The following FRY variants were observed in gnomAD, a reference collection of about 807,000 sequenced individuals.
The protein encoded by FRY is protein furry homolog.
Under a neutral mutation model 348.4 loss-of-function variants are expected in FRY, and 128 were observed. The ratio of observed to expected loss-of-function variants is 0.37; its 90% CI spans 0.32 to 0.43. FRY has a LOEUF of 0.43. Among genes scored for constraint, FRY ranks in the 20% least tolerant of loss-of-function variants. The pLI is 1.00. For missense variants in FRY, 2,736 were observed against 3,695.2 expected (o/e 0.74, Z 6.73); for synonymous variants, 1,370 against 1,374.7 (o/e 1.00, Z 0.08).
chr13:32,169,308 T>G (rs1881925108), intron 17 of FRY, among the ~76,000 whole-genome samples: 1 of 152,326 alleles, frequency 6.6e-6, no homozygotes, highest in Non-Finnish European at 1.5e-5. Context: ...CTAATCATGT[T>G]TCTTTCCCTA....
chr13:32,194,842 A>G, intron 29 of FRY, among the ~76,000 whole-genome samples: 1 of 152,246 alleles, frequency 6.6e-6, no homozygotes, highest in Non-Finnish European at 1.5e-5. Context: ...ATGTGCTGAA[A>G]TAAGTTCATA....
At chr13:32,140,608 G>T (rs1286893352) in intron 11 of FRY, among the ~76,000 whole-genome samples, 2 of 151,984 alleles carry the variant, frequency 1.3e-5, no homozygotes, top group African/African-American at 4.8e-5. Flanking sequence ...AAAAAAAACA[G>T]ATAATGATAA....
At chr13:32,171,731 A>G (rs139962914) in intron 18 of FRY, among the ~76,000 whole-genome samples, 2 of 152,360 alleles carry the variant, frequency 1.3e-5, no homozygotes, top group African/African-American at 4.8e-5. Flanking sequence ...TTCCACTGGC[A>G]TAAATTGTGA....
chr13:32,225,871 CA>C lies in FRY; in HGVS notation c.5105del (p.Asn1702IlefsTer21). 2 of 1,614,042 alleles carry C rather than the reference CA, an allele frequency of 1.2e-6. No homozygotes were observed. Among genetic ancestry groups the C allele is most frequent in the African/African-American group, 1.3e-5 (1 of 75,040 alleles). ...HLLIALSCNS[N>X]FHSIASVLLQ... is the part of the protein sequence containing the mutation. ...TCTTGATTGCCCTCTCTTGCAACAG[CA>C]ATTTCCATTCCATTGCTTCCGTGCT... On this transcript the variant is annotated frameshift_variant, in exon 39 of 61. Transcript: ENST00000542859. LOFTEE classifies it high-confidence loss of function.
rs117499343 is a variant in FRY, at chr13:32,262,287, G to A, written c.7618-27G>A. 781 of 1,593,192 alleles carry A rather than the reference G, an allele frequency of 4.9e-4. 5 individuals carry two copies. In the East Asian group the frequency reaches 0.013, roughly 26 times the overall value. On this transcript the variant is annotated intron_variant, in intron 52 of 60. Transcript: ENST00000542859. The stretch of plus-strand genomic sequence containing the variant: ...TTAAAGAATGGGAACTTCATACTAT[G>A]TTTAATTTCCTTTGCTTTTTAAACA...
intron 24 of FRY, 70 bp downstream of exon 24, chr13:32,183,104 G>A (rs1420586838): frequency 1.1e-6 from 1 of 881,078 alleles, no homozygotes. Context: ...ATCAAACCTA[G>A]TGATTTCCCC....
intron 11 of FRY, among the ~76,000 whole-genome samples, chr13:32,143,343 G>A (rs572871860): frequency 1.3e-5 from 2 of 152,308 alleles, no homozygotes; most frequent in South Asian, 4.1e-4. Context: ...CCAATTAACA[G>A]TACATAATCC....
intron 1 of FRY, among the ~76,000 whole-genome samples, chr13:32,049,802 G>T (rs1415314060): frequency 1.3e-5 from 2 of 152,088 alleles, no homozygotes; most frequent in Non-Finnish European, 2.9e-5. Flanking sequence ...TCAGAGTTTG[G>T]TATCTTCCCT....
chr13:32,161,197 C>T lies in FRY; in HGVS notation c.1838C>T (p.Pro613Leu), dbSNP rs747940856. 2 of 1,613,220 alleles carry T rather than the reference C, an allele frequency of 1.2e-6. No individual in the cohort carries two copies. Among genetic ancestry groups the T allele is most frequent in the Non-Finnish European group, 8.5e-7 (1 of 1,179,546 alleles). Residue 613 changes from proline (P) to leucine (L), a missense_variant, in exon 17 of 61, where the codon CCT (proline) becomes CTT (leucine). Coordinates refer to ENST00000542859, the MANE Select transcript of FRY (RefSeq NM_023037.3). The part of the protein sequence containing the change: ...DLFRTCVAAI[P>L]RLLPDGMSKL... ...TTCAGGACCTGTGTTGCTGCTATTCCTCGACTGCTTCCTGATGGGATGTCA... is the reference window on the plus strand; with the variant it reads ...TTCAGGACCTGTGTTGCTGCTATTCTTCGACTGCTTCCTGATGGGATGTCA...
chr13:32,184,676 G>A lies in FRY; in HGVS notation c.3131G>A (p.Gly1044Asp). 6.3e-7 allele frequency: 1 copy of A among 1,595,956 alleles called. No individual in the cohort carries two copies. Among genetic ancestry groups the A allele is most frequent in the Non-Finnish European group, 8.6e-7 (1 of 1,163,460 alleles). The change falls in exon 25 of 61, where the codon GGT becomes GAT. Residue 1044 changes from glycine to aspartate, a missense_variant. Physicochemically the swap from Gly to Asp is moderately conservative, Grantham distance 94 (BLOSUM62 -1). Coordinates refer to ENST00000542859, the MANE Select transcript of FRY (RefSeq NM_023037.3). Reference protein sequence around the residue: ...LRIFELLADAGVISDSTNGAL... With the variant: ...LRIFELLADADVISDSTNGAL... Reference sequence around the variant, plus strand: ...ATTTTTGAACTTTTGGCTGATGCTGGTGTAATAAGTGACAGGTAGGATCAG... The same window carrying A: ...ATTTTTGAACTTTTGGCTGATGCTGATGTAATAAGTGACAGGTAGGATCAG...
At position 32,149,777 on chromosome 13, in the gene FRY, C is replaced by G; in HGVS notation, c.1422C>G (p.Ile474Met). 1 of 1,608,500 alleles carries G rather than the reference C, an allele frequency of 6.2e-7. No homozygotes were observed. Among genetic ancestry groups the G allele is most frequent in the Non-Finnish European group, 8.5e-7 (1 of 1,174,930 alleles). Reference sequence around the variant, plus strand: ...GTTTAGATTTTGCAATGAAAGAAATCATTTTCGATTTTCTTTGTGTGGGAA... The same window carrying G: ...GTTTAGATTTTGCAATGAAAGAAATGATTTTCGATTTTCTTTGTGTGGGAA... ...QERLDFAMKE[I>M]IFDFLCVGKP... Residue 474 changes from isoleucine (I) to methionine (M), a missense_variant, in exon 14 of 61, where the codon ATC becomes ATG. Physicochemically the swap from Ile to Met is conservative, Grantham distance 10. This residue lies in a region of FRY where 191 missense variants were observed against 370.2 expected (regional missense o/e 0.52). Transcript: ENST00000542859.
chr13:32,072,353 G>A lies in FRY; in HGVS notation c.71-6481G>A, dbSNP rs1172373346. 4.6e-5 allele frequency among the ~76,000 whole-genome samples: 7 copies of A among 151,708 alleles called. No individual in the cohort carries two copies. The East Asian group carries it at 1.4e-3, about 29-fold the overall frequency. ...TTTTTTACATGATATTCTTTTCTTG[G>A]CCCACTTTAAAATAAGTAATTATTT... On this transcript the variant is annotated intron_variant, in intron 1 of 60. Transcript: ENST00000542859.
chr13:32,275,247 G>T, intron 56 of FRY: 1 of 327,624 alleles, frequency 3.1e-6, no homozygotes, highest in South Asian at 3.0e-5. Flanking sequence ...AATTAGCCGG[G>T]TGTAGTGGCA....
rs529029208 is a variant in FRY at position 32,163,898 on chromosome 13, T to G, written c.1892+2647T>G. Among the ~76,000 whole-genome samples, 9 of 152,312 alleles carry G rather than the reference T, an allele frequency of 5.9e-5. No homozygotes were observed. In the South Asian group the frequency reaches 1.9e-3, roughly 32 times the overall value. ...TGTTTTTTGTTTTTTCTTTTTTCTT[T>G]TTTTTCTGAGGGAACAGAACAAATA... On this transcript the variant is annotated intron_variant, in intron 17 of 60. Coordinates refer to ENST00000542859, the MANE Select transcript of FRY (RefSeq NM_023037.3).
chr13:32,095,169 T>A (rs1253768501), intron 2 of FRY, among the ~76,000 whole-genome samples: 1 of 137,252 alleles, frequency 7.3e-6, no homozygotes, highest in African/African-American at 2.7e-5. Flanking sequence ...TAGTCAAGTC[T>A]TTTGCCCATT....
intron 36 of FRY, among the ~76,000 whole-genome samples, chr13:32,221,035 G>T (rs946607830): frequency 1.6e-4 from 24 of 152,288 alleles, no homozygotes; most frequent in African/African-American, 5.8e-4. Context: ...CTGCTCACTT[G>T]TCAGTGTATT....
intron 29 of FRY, among the ~76,000 whole-genome samples, chr13:32,199,822 T>C (rs1307308556): frequency 1.3e-5 from 2 of 152,274 alleles, no homozygotes; most frequent in African/African-American, 2.4e-5. Flanking sequence ...GATGTATTCA[T>C]AGTAGGACAT....
chr13:32,150,549 T>G (rs1450842957), intron 14 of FRY, among the ~76,000 whole-genome samples: 1 of 152,118 alleles, frequency 6.6e-6, no homozygotes, highest in African/African-American at 2.4e-5. Flanking sequence ...CTCTATGAAC[T>G]GCAGCTTTTT....
At chr13:32,050,151 AAC>A (rs1566044580) in intron 1 of FRY, among the ~76,000 whole-genome samples, 2 of 152,330 alleles carry the variant, frequency 1.3e-5, no homozygotes, top group South Asian at 4.1e-4. Flanking sequence ...TTTTCAAGGA[AAC>A]ACACATTTTA....
Sources: gnomAD v4.1 joint callset for allele counts (sites outside exome capture counted in the v4.1 genomes callset) on GRCh38, gnomAD v4.1.1 for gene constraint, gnomAD v4.1.1 regional missense constraint, MANE v1.5 for transcripts, NCBI Gene and HGNC (gene_info 2026-07-23, HGNC 2026-07-21) for gene names.